Variants in PARPBP observed in about 807,000 individuals in gnomAD.
PARPBP encodes PCNA-interacting partner.
A neutral mutation model predicts 50.0 loss-of-function variants in PARPBP; 52 were observed. That is an observed-to-expected ratio of 1.04 (90% CI 0.83 to 1.31). PARPBP has a LOEUF of 1.31. Ranked by LOEUF, PARPBP falls within the 50% of genes most tolerant of loss-of-function variation. The pLI, the probability that PARPBP is intolerant of heterozygous loss-of-function variation, is 0.00. For synonymous variants in PARPBP, 244 were observed against 232.1 expected (o/e 1.05, Z -0.47); for missense variants, 697 against 672.0 (o/e 1.04, Z -0.41).
chr12:102,163,937 A>G (rs539173146), intron 4 of PARPBP, among the ~76,000 whole-genome samples: 1 of 152,234 alleles, frequency 6.6e-6, no homozygotes, highest in African/African-American at 2.4e-5. Flanking sequence ...ACTTGGTGAC[A>G]ATTTCTGTTG....
chr12:102,156,929 A>C (rs927731906), intron 4 of PARPBP, among the ~76,000 whole-genome samples: 1 of 152,234 alleles, frequency 6.6e-6, no homozygotes, highest in African/African-American at 2.4e-5. Context: ...GGCATGAGAC[A>C]CTGTGCCCAG....
intron 1 of PARPBP, among the ~76,000 whole-genome samples, chr12:102,122,744 G>C (rs1026060633): frequency 1.2e-4 from 18 of 152,312 alleles, no homozygotes; most frequent in Admixed American, 6.5e-5. Flanking sequence ...GACATATTAA[G>C]TTTATGCTGT....
chr12:102,123,913 G>C lies in PARPBP; in HGVS notation c.25G>C (p.Val9Leu). 1 of 1,535,264 alleles carries C rather than the reference G, an allele frequency of 6.5e-7. No individual in the cohort carries two copies. Among genetic ancestry groups the C allele is most frequent in the East Asian group, 2.4e-5 (1 of 40,886 alleles). MAVFNQKS[V>L]SDMIKEFRKN... is the part of the protein sequence containing the mutation. ...AATGGCTGTGTTTAATCAGAAGTCT[G>C]TCTCGGATATGATTAAAGAGTTTCG... Residue 9 changes from valine to leucine, a missense_variant, in exon 2 of 11, where the codon GTC becomes CTC. Transcript: ENST00000327680.
At position 102,149,405 on chromosome 12, in the gene PARPBP, G is replaced by A. The variant is rs78038530; in HGVS notation, c.387+942G>A. On this transcript the variant is annotated intron_variant, in intron 3 of 10. Coordinates refer to ENST00000327680, the MANE Select transcript of PARPBP (RefSeq NM_017915.5). Reference sequence around the variant, plus strand: ...CTGGACTTTTTCTATCATTCTGCTCGCCCATTTTAGTCCTTGGTTCCTACC... The same window carrying A: ...CTGGACTTTTTCTATCATTCTGCTCACCCATTTTAGTCCTTGGTTCCTACC... 1.6e-4 allele frequency among the ~76,000 whole-genome samples: 24 copies of A among 152,218 alleles called. No individual in the cohort carries two copies. The East Asian group carries it at 3.5e-3, about 22-fold the overall frequency.
intron 4 of PARPBP, among the ~76,000 whole-genome samples, chr12:102,154,384 G>A (rs1046656261): frequency 6.6e-6 from 1 of 152,090 alleles, no homozygotes; most frequent in African/African-American, 2.4e-5. Flanking sequence ...TTGGATGATA[G>A]GGTTTGTCGT....
At chr12:102,174,739 T>G (rs1889090086) in intron 6 of PARPBP, among the ~76,000 whole-genome samples, 1 of 152,196 alleles carries the variant, frequency 6.6e-6, no homozygotes, top group Non-Finnish European at 1.5e-5. Context: ...TCCTCTTATA[T>G]GTTTCTCACA....
At chr12:102,174,325 C>T (rs769266947) in intron 6 of PARPBP, among the ~76,000 whole-genome samples, 5 of 152,132 alleles carry the variant, frequency 3.3e-5, no homozygotes, top group African/African-American at 9.7e-5. Flanking sequence ...GCATTGTCAT[C>T]ATACACTAAG....
intron 2 of PARPBP, among the ~76,000 whole-genome samples, chr12:102,147,681 A>G (rs987624826): frequency 6.6e-6 from 1 of 152,034 alleles, no homozygotes; most frequent in East Asian, 1.9e-4. Flanking sequence ...TAACCTGCAC[A>G]TTGTGCACAT....
chr12:102,160,521 C>T (rs1380418202), intron 4 of PARPBP, among the ~76,000 whole-genome samples: 1 of 152,184 alleles, frequency 6.6e-6, no homozygotes, highest in African/African-American at 2.4e-5. Context: ...TTATTCTTCT[C>T]AGATGTCAAA....
intron 6 of PARPBP, among the ~76,000 whole-genome samples, chr12:102,174,222 G>A (rs1889032396): frequency 1.3e-5 from 2 of 151,878 alleles, no homozygotes; most frequent in Admixed American, 1.3e-4. Flanking sequence ...CAAACATTTA[G>A]TGCTCTTCTC....
intron 2 of PARPBP, among the ~76,000 whole-genome samples, chr12:102,137,495 A>C (rs555467273): frequency 6.7e-6 from 1 of 150,296 alleles, no homozygotes; most frequent in Admixed American, 6.6e-5. Context: ...ATGCCTCTCT[A>C]GCAGTTATAT....
chr12:102,122,344 A>C (rs1292236450), intron 1 of PARPBP, among the ~76,000 whole-genome samples: 1 of 152,218 alleles, frequency 6.6e-6, no homozygotes, highest in African/African-American at 2.4e-5. Flanking sequence ...TTTAAGTTGC[A>C]TCATAGATTG....
chr12:102,179,707 G>A (rs1440718549), intron 8 of PARPBP, among the ~76,000 whole-genome samples: 1 of 150,740 alleles, frequency 6.6e-6, no homozygotes, highest in African/African-American at 2.4e-5. Flanking sequence ...GGGAGTTAAG[G>A]CATATAGATA....
At chr12:102,162,621 C>T (rs1887716317) in intron 4 of PARPBP, among the ~76,000 whole-genome samples, 1 of 152,086 alleles carries the variant, frequency 6.6e-6, no homozygotes, top group African/African-American at 2.4e-5. Flanking sequence ...AGGAGTTCAA[C>T]ACCAACCTGG....
At chr12:102,181,093 C>T (rs919368370) in intron 8 of PARPBP, among the ~76,000 whole-genome samples, 1 of 152,112 alleles carries the variant, frequency 6.6e-6, no homozygotes, top group African/African-American at 2.4e-5. Context: ...CTATGTTTTT[C>T]TCTTTTGAAT....
chr12:102,120,477 CTAGCGATG>C (rs1392250788), intron 1 of PARPBP, 191 bp downstream of exon 1: 1 of 456,630 alleles, frequency 2.2e-6, no homozygotes, highest in Non-Finnish European at 4.4e-6. Flanking sequence ...TTCACAGTAT[CTAGCGATG>C]GAGCTGGTAG....
intron 4 of PARPBP, among the ~76,000 whole-genome samples, chr12:102,156,961 A>G (rs1565879786): frequency 6.6e-6 from 1 of 152,204 alleles, no homozygotes; most frequent in African/African-American, 2.4e-5. Flanking sequence ...TAGAAATATG[A>G]TATGTAAATG....
Position 102,197,242 on chromosome 12 carries a change from ATTCTT to A in PARPBP, c.*952_*956del. On this transcript the variant is annotated 3_prime_UTR_variant, in exon 11 of 11. Transcript: ENST00000327680. ...TGGAACTATAATACAATTGTATAATATTCTTGTTGATCAATTCAAAGTTACTCTGC... is the reference window on the plus strand; with the variant it reads ...TGGAACTATAATACAATTGTATAATAGTTGATCAATTCAAAGTTACTCTGC... 2 of 1,209,240 alleles carry A rather than the reference ATTCTT, an allele frequency of 1.7e-6. No individual in the cohort carries two copies. The highest frequency in any genetic ancestry group is 2.4e-6 in the Non-Finnish European group (2 of 845,978). 74.9% of individuals were successfully genotyped at this position (1,209,240 alleles called of 1,614,324 possible). A position where few individuals can be genotyped will look rare whatever the true frequency, so the allele number is the denominator to read the frequency against.
intron 5 of PARPBP, 79 bp from the exon 6 acceptor site, chr12:102,165,650 A>T: frequency 1.8e-6 from 2 of 1,111,924 alleles, no homozygotes; most frequent in Non-Finnish European, 2.7e-6. Context: ...AGAATTATAT[A>T]GATTTACTTA....
Sources: gnomAD v4.1 joint callset for allele counts (sites outside exome capture counted in the v4.1 genomes callset) on GRCh38, gnomAD v4.1.1 for gene constraint, MANE v1.5 for transcripts, NCBI Gene and HGNC (gene_info 2026-07-23, HGNC 2026-07-21) for gene names.